Variants in FBRSL1 observed in about 807,000 individuals in gnomAD.
FBRSL1 encodes the protein fibrosin-1-like protein.
In FBRSL1, 51 loss-of-function variants were observed where a neutral mutation model predicts 89.6. The observed-to-expected ratio is 0.57, with a 90% CI of 0.45 to 0.72. The LOEUF is 0.72. Among genes scored for constraint, FBRSL1 ranks in the 30% least tolerant of loss-of-function variants. FBRSL1 has a pLI of 0.00. For missense variants in FBRSL1, 1,618 were observed against 1,451.8 expected, an observed-to-expected ratio of 1.11 and a Z score of -1.86; for synonymous variants, 779 against 681.1, an observed-to-expected ratio of 1.14 and a Z score of -2.24.
intron 6 of FBRSL1, among the ~76,000 whole-genome samples, chr12:132,568,732 A>G (rs12831027): frequency 0.1 from 15,643 of 152,056 alleles, 847 homozygotes; most frequent in East Asian, 0.16. Flanking sequence ...GGGCTGACCC[A>G]GGGAGCTGGG....
At position 132,563,955 on chromosome 12, in the gene FBRSL1, C is replaced by T. The variant is rs867960077; in HGVS notation, c.646-3526C>T. On this transcript the variant is annotated intron_variant, in intron 5 of 18. Coordinates refer to ENST00000680143, the MANE Select transcript of FBRSL1 (RefSeq NM_001367871.1). ...CTGACACATACCTACGTCTGTACACCCACCCCCGTCGCCCCGAACCCCTGA... is the reference window on the plus strand; with the variant it reads ...CTGACACATACCTACGTCTGTACACTCACCCCCGTCGCCCCGAACCCCTGA... Among the ~76,000 whole-genome samples the T allele has an allele frequency of 1.8e-3, 272 of 147,346 alleles. 2 individuals are homozygous for T. The highest frequency in any genetic ancestry group is 5.8e-3 in the African/African-American group (228 of 39,500).
rs1252811241 is a variant in FBRSL1 at position 132,581,841 on chromosome 12, G to C, written c.1996+17G>C. On this transcript the variant is annotated intron_variant, in intron 17 of 18. Coordinates refer to ENST00000680143, the MANE Select transcript of FBRSL1 (RefSeq NM_001367871.1). ...ATGCACTGGGTGAGTGACCCAGCCT[G>C]TGCCCCCCTCCCCCGATGCCCGCGC... The C allele has an allele frequency of 6.5e-7, 1 of 1,527,360 alleles. No homozygotes were observed. The highest frequency in any genetic ancestry group is 1.2e-5 in the South Asian group (1 of 81,226). 94.6% of individuals were successfully genotyped at this position (1,527,360 alleles called of 1,614,324 possible). A position where few individuals can be genotyped will look rare whatever the true frequency, so the allele number is the denominator to read the frequency against.
chr12:132,567,597 G>A (rs2039717364), intron 6 of FBRSL1, 71 bp downstream of exon 6: 1 of 1,464,036 alleles, frequency 6.8e-7, no homozygotes, highest in Non-Finnish European at 9.4e-7. Flanking sequence ...CTTGGCGGCA[G>A]GACATCCCCC....
chr12:132,569,045 G>A (rs987013918), intron 6 of FBRSL1, among the ~76,000 whole-genome samples: 4 of 152,158 alleles, frequency 2.6e-5, no homozygotes, highest in Non-Finnish European at 5.9e-5. Context: ...CATGCGGCAC[G>A]TGGAACGTTG....
intron 5 of FBRSL1, among the ~76,000 whole-genome samples, chr12:132,559,792 A>C (rs2038955626): frequency 3.3e-5 from 5 of 152,236 alleles, no homozygotes; most frequent in Admixed American, 2.6e-4. Context: ...GCGCCCACAC[A>C]GCGCTCAGTG....
rs566976915 is a variant in FBRSL1, at chr12:132,509,353, G to C, written c.489+1003G>C. The C allele has an allele frequency of 4.0e-6, 5 of 1,245,878 alleles. No homozygotes were observed. In the African/African-American group the frequency reaches 6.2e-5, roughly 15 times the overall value. The allele number at this position is 1,245,878 out of a possible 1,614,324, so 77.2% of individuals were successfully genotyped here. On this transcript the variant is annotated intron_variant, in intron 2 of 18. Transcript: ENST00000680143. The stretch of plus-strand genomic sequence containing the variant: ...CAGCGGCCACTCCTGGGTCAGCGCA[G>C]CTGGCCCCAGCGGTCACTTCTGGGC...
chr12:132,552,667 C>T (rs1313949711), intron 5 of FBRSL1: 1 of 160,182 alleles, frequency 6.2e-6, no homozygotes, highest in East Asian at 1.9e-4. Context: ...AGGCCCCTTC[C>T]ATGGGGCACT....
intron 2 of FBRSL1, among the ~76,000 whole-genome samples, chr12:132,515,989 A>G (rs1003249433): frequency 1.3e-5 from 2 of 152,126 alleles, no homozygotes; most frequent in East Asian, 1.9e-4. Context: ...AAGTTGAGAA[A>G]TCCCTAGCTA....
At position 132,571,403 on chromosome 12, in the gene FBRSL1, C is replaced by T. The variant is rs1301458865; in HGVS notation, c.1377+172C>T. 13 of 1,550,832 alleles carry T rather than the reference C, an allele frequency of 8.4e-6. No homozygotes were observed. In the East Asian group the frequency reaches 9.8e-5, roughly 12 times the overall value. On this transcript the variant is annotated intron_variant, in intron 9 of 18. Coordinates refer to ENST00000680143, the MANE Select transcript of FBRSL1 (RefSeq NM_001367871.1). ...CTGGGCCCGGGGGCTCTGCTGCGGG[C>T]GGAGTTCCATCAGCACCAGCACACA...
At chr12:132,501,675 TGTGCAGGGGCCAGTGA>T (rs1325462856) in intron 1 of FBRSL1, among the ~76,000 whole-genome samples, 2 of 152,026 alleles carry the variant, frequency 1.3e-5, no homozygotes, top group Non-Finnish European at 2.9e-5. Context: ...GGCCCATTCC[TGTGCAGGGGCCAGTGA>T]GGGGAGGGGC....
chr12:132,527,425 C>A (rs774542871), intron 3 of FBRSL1, among the ~76,000 whole-genome samples: 69 of 152,300 alleles, frequency 4.5e-4, no homozygotes, highest in Middle Eastern at 6.8e-3. Context: ...ACTGGCTGGG[C>A]CCCTCAGGAG....
intron 5 of FBRSL1, among the ~76,000 whole-genome samples, chr12:132,549,485 G>A (rs1002503789): frequency 3.4e-4 from 52 of 152,322 alleles, no homozygotes; most frequent in Admixed American, 7.2e-4. Context: ...GAGGTCACGG[G>A]CACCCAGGAA....
intron 5 of FBRSL1, among the ~76,000 whole-genome samples, chr12:132,550,462 G>A (rs919613118): frequency 1.3e-5 from 2 of 152,202 alleles, no homozygotes; most frequent in African/African-American, 4.8e-5. Flanking sequence ...GGCCCCGTTT[G>A]CTTCTGTTGG....
intron 14 of FBRSL1, among the ~76,000 whole-genome samples, chr12:132,575,389 G>A (rs774383965): frequency 4.6e-5 from 7 of 152,164 alleles, no homozygotes; most frequent in Non-Finnish European, 7.3e-5. Flanking sequence ...CACCACACCC[G>A]GCTAATTTTT....
At chr12:132,577,617 C>G (rs2040460554) in intron 15 of FBRSL1, among the ~76,000 whole-genome samples, 1 of 152,230 alleles carries the variant, frequency 6.6e-6, no homozygotes, top group South Asian at 2.1e-4. Flanking sequence ...CAGTCACCCA[C>G]TCCCCCGAGT....
chr12:132,548,054 T>C, intron 5 of FBRSL1, 22 bp downstream of exon 5: 1 of 1,549,830 alleles, frequency 6.5e-7, no homozygotes, highest in Non-Finnish European at 8.7e-7. Context: ...GTCCTCCTCC[T>C]GGGCTCGGCT....
At position 132,570,145 on chromosome 12, in the gene FBRSL1, C is replaced by A; in HGVS notation, c.911C>A (p.Pro304Gln). The A allele has an allele frequency of 6.7e-7, 1 of 1,481,482 alleles. No homozygotes were observed. Among genetic ancestry groups the A allele is most frequent in the Non-Finnish European group, 8.9e-7 (1 of 1,125,508 alleles). The allele number at this position is 1,481,482 out of a possible 1,614,324, so 91.8% of individuals were successfully genotyped here. ...CGCCACACCCCGCAGCCGCCACCCCCGCAGCCCCGCGGCCTGCTCCCGACA... is the reference window on the plus strand; with the variant it reads ...CGCCACACCCCGCAGCCGCCACCCCAGCAGCCCCGCGGCCTGCTCCCGACA... Reference protein sequence around the residue: ...PHRHTPQPPPPQPRGLLPTHV... With the variant: ...PHRHTPQPPPQQPRGLLPTHV... Residue 304 changes from proline to glutamine, a missense_variant, in exon 7 of 19, where the codon CCG becomes CAG. Pro to Gln is a moderately conservative substitution (Grantham distance 76, BLOSUM62 -1). Coordinates refer to ENST00000680143, the MANE Select transcript of FBRSL1 (RefSeq NM_001367871.1).
At chr12:132,507,867 C>T (rs2033871420) in intron 1 of FBRSL1, among the ~76,000 whole-genome samples, 1 of 152,144 alleles carries the variant, frequency 6.6e-6, no homozygotes, top group Admixed American at 6.5e-5. Flanking sequence ...GGCTGGCCTC[C>T]TGTGAAGCTT....
intron 5 of FBRSL1, among the ~76,000 whole-genome samples, chr12:132,549,714 C>T (rs2037987692): frequency 6.6e-6 from 1 of 152,164 alleles, no homozygotes; most frequent in Admixed American, 6.5e-5. Context: ...GTCGGCGATG[C>T]CGGCGGGGAA....
Sources: allele counts gnomAD v4.1 joint callset (sites outside exome capture counted in the v4.1 genomes callset), GRCh38; gene constraint gnomAD v4.1.1; transcripts MANE v1.5; gene names NCBI Gene and HGNC (gene_info 2026-07-23, HGNC 2026-07-21).